The following PKNOX2 variants were observed in gnomAD, a reference collection of about 807,000 sequenced individuals.
The protein encoded by PKNOX2 is homeobox protein PKNOX2.
Under a neutral mutation model 53.1 loss-of-function variants are expected in PKNOX2, and 14 were observed. That is an observed-to-expected ratio of 0.26 (90% CI 0.17 to 0.41). The LOEUF is 0.41. PKNOX2 is among the 10% of genes least tolerant of loss of function. PKNOX2 has a pLI of 1.00. For missense variants in PKNOX2, 496 were observed against 602.8 expected, an observed-to-expected ratio of 0.82 and a Z score of 1.85; for synonymous variants, 257 against 242.8, an observed-to-expected ratio of 1.06 and a Z score of -0.54.
intron 2 of PKNOX2, among the ~76,000 whole-genome samples, chr11:125,269,950 G>A (rs931930976): frequency 6.6e-5 from 10 of 152,164 alleles, no homozygotes. Context: ...CCTCATATGT[G>A]CCAGGTGTTG....
At chr11:125,220,475 A>G (rs894416645) in intron 1 of PKNOX2, among the ~76,000 whole-genome samples, 1 of 152,148 alleles carries the variant, frequency 6.6e-6, no homozygotes, top group African/African-American at 2.4e-5. Flanking sequence ...TGGGTGTGGG[A>G]TTGAGGGAGA....
At chr11:125,217,105 G>T (rs1281231242) in intron 1 of PKNOX2, among the ~76,000 whole-genome samples, 1 of 151,230 alleles carries the variant, frequency 6.6e-6, no homozygotes, top group Non-Finnish European at 1.5e-5. Flanking sequence ...ACACATGCAT[G>T]AACACCCACC....
At chr11:125,263,048 A>G (rs1315905450) in intron 2 of PKNOX2, among the ~76,000 whole-genome samples, 1 of 152,204 alleles carries the variant, frequency 6.6e-6, no homozygotes, top group Non-Finnish European at 1.5e-5. Context: ...GGCCAAGAGC[A>G]CAGCACAGAG....
At chr11:125,400,939 T>C (rs1954708475) in intron 7 of PKNOX2, among the ~76,000 whole-genome samples, 1 of 152,110 alleles carries the variant, frequency 6.6e-6, no homozygotes, top group Non-Finnish European at 1.5e-5. Flanking sequence ...GCTGATAGTC[T>C]CTTGAAATAG....
chr11:125,409,987 C>G, intron 7 of PKNOX2: 1 of 592,084 alleles, frequency 1.7e-6, no homozygotes, highest in Non-Finnish European at 2.8e-6. Context: ...AAATGGGTGA[C>G]TCTTTTTGTT....
intron 5 of PKNOX2, among the ~76,000 whole-genome samples, chr11:125,383,221 C>A (rs1953374455): frequency 1.3e-5 from 2 of 152,140 alleles, no homozygotes; most frequent in South Asian, 4.1e-4. Flanking sequence ...TTCCCCCACC[C>A]ACTTACAAAT....
chr11:125,305,216 G>A (rs189112442), intron 2 of PKNOX2, among the ~76,000 whole-genome samples: 18 of 152,222 alleles, frequency 1.2e-4, no homozygotes, highest in African/African-American at 4.1e-4. Context: ...TTGCCACTCC[G>A]GCTTCAGCCT....
intron 2 of PKNOX2, among the ~76,000 whole-genome samples, chr11:125,291,389 G>T (rs1947295595): frequency 6.6e-6 from 1 of 152,122 alleles, no homozygotes; most frequent in South Asian, 2.1e-4. Flanking sequence ...GGGCAGGCAG[G>T]CTCGAGTGTG....
chr11:125,278,696 C>G (rs926841914), intron 2 of PKNOX2, among the ~76,000 whole-genome samples: 1 of 152,186 alleles, frequency 6.6e-6, no homozygotes, highest in Non-Finnish European at 1.5e-5. Context: ...ACAGCCCATC[C>G]TGGAGGTGTT....
intron 1 of PKNOX2, among the ~76,000 whole-genome samples, chr11:125,213,467 T>C (rs963072596): frequency 3.9e-5 from 6 of 152,110 alleles, no homozygotes; most frequent in African/African-American, 1.4e-4. Flanking sequence ...TTGTTGTTGT[T>C]GTTATTTGAG....
At chr11:125,251,423 G>A (rs1013645728) in intron 2 of PKNOX2, among the ~76,000 whole-genome samples, 2 of 152,150 alleles carry the variant, frequency 1.3e-5, no homozygotes, top group African/African-American at 4.8e-5. Flanking sequence ...CCAGCTCTGT[G>A]GGGCTAGCTT....
chr11:125,332,761 A>G (rs552566221), intron 3 of PKNOX2: 19 of 152,312 alleles, frequency 1.2e-4, no homozygotes, highest in African/African-American at 4.3e-4. Context: ...AGCAGAAATC[A>G]TCGCCAAATT....
intron 2 of PKNOX2, among the ~76,000 whole-genome samples, chr11:125,309,123 A>T (rs1948636794): frequency 1.4e-5 from 2 of 141,506 alleles, no homozygotes; most frequent in African/African-American, 3.1e-5. Flanking sequence ...GATCACAATT[A>T]CCTCTTCCTT....
At chr11:125,187,142 G>A (rs1956497783) in intron 1 of PKNOX2, among the ~76,000 whole-genome samples, 1 of 152,148 alleles carries the variant, frequency 6.6e-6, no homozygotes, top group Non-Finnish European at 1.5e-5. Flanking sequence ...AAGTTGGGAA[G>A]TGTGAGATTT....
Position 125,432,513 on chromosome 11 carries a change from C to T in PKNOX2, c.*1121C>T, listed in dbSNP as rs1269081889. The T allele has an allele frequency of 1.3e-5, 2 of 152,664 alleles. No individual in the cohort carries two copies. Among genetic ancestry groups the T allele is most frequent in the African/African-American group, 4.8e-5 (2 of 41,450 alleles). 9.5% of individuals were successfully genotyped at this position (152,664 alleles called of 1,614,324 possible). A position where few individuals can be genotyped will look rare whatever the true frequency, so the allele number is the denominator to read the frequency against. ...CTACATCCCTCTTCCCATCAATATC[C>T]TAAATGTGGGGGAGGGCCCAGAGAA... On this transcript the variant is annotated 3_prime_UTR_variant, in exon 13 of 13. Coordinates refer to ENST00000298282, the MANE Select transcript of PKNOX2 (RefSeq NM_001382323.2).
chr11:125,167,257 T>A (rs1591466368), intron 1 of PKNOX2, among the ~76,000 whole-genome samples: 1 of 152,036 alleles, frequency 6.6e-6, no homozygotes, highest in East Asian at 1.9e-4. Flanking sequence ...CTCCTCTTAA[T>A]ATTAAACCCA....
chr11:125,317,445 T>C (rs865813993), intron 2 of PKNOX2, among the ~76,000 whole-genome samples: 1 of 152,248 alleles, frequency 6.6e-6, no homozygotes, highest in Non-Finnish European at 1.5e-5. Flanking sequence ...TACTCTTAAA[T>C]AATAAGACAT....
chr11:125,177,306 G>A (rs995263794), intron 1 of PKNOX2, among the ~76,000 whole-genome samples: 3 of 151,208 alleles, frequency 2.0e-5, no homozygotes, highest in Admixed American at 6.6e-5. Flanking sequence ...GAGAGGCAGC[G>A]GGGGAGGTTA....
At chr11:125,300,611 GAGAC>G (rs1947987821) in intron 2 of PKNOX2, among the ~76,000 whole-genome samples, 1 of 152,134 alleles carries the variant, frequency 6.6e-6, no homozygotes, top group Non-Finnish European at 1.5e-5. Flanking sequence ...CAGAAAGAGA[GAGAC>G]AGAGACAGAA....
Sources: gnomAD v4.1 joint callset for allele counts (sites outside exome capture counted in the v4.1 genomes callset) on GRCh38, gnomAD v4.1.1 for gene constraint, MANE v1.5 for transcripts, NCBI Gene and HGNC (gene_info 2026-07-23, HGNC 2026-07-21) for gene names.